The following ADCY7 variants were observed in gnomAD, a reference collection of about 807,000 sequenced individuals.
ADCY7 encodes the protein adenylate cyclase 7.
Under a neutral mutation model 120.6 loss-of-function variants are expected in ADCY7, and 72 were observed. That is an observed-to-expected ratio of 0.60 (90% confidence interval 0.49 to 0.73). The LOEUF is 0.73. Among genes scored for constraint, ADCY7 ranks in the 30% least tolerant of loss-of-function variants. The pLI is 0.00. For missense variants in ADCY7, 1,227 were observed against 1,486.0 expected, an observed-to-expected ratio of 0.83 and a Z score of 2.87; for synonymous variants, 661 against 628.0, an observed-to-expected ratio of 1.05 and a Z score of -0.78.
chr16:50,257,435 C>T (rs568231928), intron 1 of ADCY7, among the ~76,000 whole-genome samples: 42 of 152,178 alleles, frequency 2.8e-4, no homozygotes, highest in Non-Finnish European at 3.1e-4. Flanking sequence ...ATGTACATTT[C>T]AAAATTACTA....
intron 1 of ADCY7, among the ~76,000 whole-genome samples, chr16:50,252,860 G>GA (rs1022944209): frequency 6.6e-6 from 1 of 152,126 alleles, no homozygotes; most frequent in Non-Finnish European, 1.5e-5. Context: ...ATAAGGTGGG[G>GA]AAAAAACTTC....
Position 50,297,346 on chromosome 16 carries a change from C to T in ADCY7, c.949-1558C>T, listed in dbSNP as rs917745743. On this transcript the variant is annotated intron_variant, in intron 7 of 25. Transcript: ENST00000673801. This position sits in a 1 kb window ranked among gnomAD's most constrained non-coding sequence, Gnocchi z 4.4. ...GTCAGAGACACAGGGGACTGTCAGC[C>T]GGTGGAGCAGCCGGGGGAATGTGGC... Among the ~76,000 whole-genome samples, 3 of 152,356 alleles carry T rather than the reference C, an allele frequency of 2.0e-5. No homozygotes were observed. The highest frequency in any genetic ancestry group is 6.5e-5 in the Admixed American group (1 of 15,288).
chr16:50,262,798 TGCCCTGGC>T (rs2033094670), upstream of ADCY7, among the ~76,000 whole-genome samples: 1 of 152,226 alleles, frequency 6.6e-6, no homozygotes, highest in Non-Finnish European at 1.5e-5. Context: ...TTGTGCTGTG[TGCCCTGGC>T]GCCTCTACCA....
Position 50,307,159 on chromosome 16 carries a change from G to T in ADCY7, c.1850+12G>T. 6.2e-7 allele frequency: 1 copy of T among 1,609,452 alleles called. No individual in the cohort carries two copies. The highest frequency in any genetic ancestry group is 1.1e-5 in the South Asian group (1 of 90,972). On this transcript the variant is annotated intron_variant, in intron 15 of 25. Transcript: ENST00000673801. ...CTGCTCATGCCCAGGTCAGTTGCAG[G>T]GAGGGGTGTGGGGGTCCGGCCTGCT...
intron 1 of ADCY7, among the ~76,000 whole-genome samples, chr16:50,260,470 C>G (rs756903828): frequency 2.6e-5 from 4 of 152,228 alleles, no homozygotes; most frequent in Non-Finnish European, 5.9e-5. Context: ...CTCTGCTTCT[C>G]TCTCCATTTC....
intron 21 of ADCY7, 31 bp from the exon 22 acceptor site, chr16:50,312,859 G>A: frequency 1.9e-6 from 3 of 1,609,686 alleles, no homozygotes; most frequent in Non-Finnish European, 1.7e-6. Flanking sequence ...AAGAGGTGAA[G>A]TGGTGTAAGG....
upstream of ADCY7, among the ~76,000 whole-genome samples, chr16:50,266,022 T>C (rs1331175544): frequency 6.6e-6 from 1 of 152,198 alleles, no homozygotes; most frequent in Non-Finnish European, 1.5e-5. Flanking sequence ...AGGATGGGCC[T>C]GCCCCTGCCC....
At position 50,293,343 on chromosome 16, in the gene ADCY7, C is replaced by T; in HGVS notation, c.688-11C>T. 3 of 1,611,684 alleles carry T rather than the reference C, an allele frequency of 1.9e-6. No homozygotes were observed. Among genetic ancestry groups the T allele is most frequent in the Non-Finnish European group, 1.7e-6 (2 of 1,178,500 alleles). ...GCTGGTCCCTCTGCTGGTCTGCCCA[C>T]CCACACCCAGGAGAACCTGCTGCTG... On this transcript the variant is annotated splice_polypyrimidine_tract_variant and intron_variant, in intron 5 of 25. Transcript: ENST00000673801.
rs376775069 is a variant in ADCY7, at chr16:50,311,810, C to T, written c.2448+24C>T. ...AGGTAAGGAGGCTGGCCCCCCCCCC[C>T]CCCCCAAGCTCTGCCCACTTTTCCT... On this transcript the variant is annotated intron_variant, in intron 20 of 25. Transcript: ENST00000673801. 7.0e-5 allele frequency: 94 copies of T among 1,342,994 alleles called. 3 individuals carry two copies. The Middle Eastern group carries it at 1.4e-3, about 20-fold the overall frequency. 83.2% of individuals were successfully genotyped at this position (1,342,994 alleles called of 1,614,324 possible).
intron 1 of ADCY7, among the ~76,000 whole-genome samples, chr16:50,277,646 T>C (rs962455621): frequency 1.3e-5 from 2 of 150,332 alleles, no homozygotes; most frequent in African/African-American, 4.9e-5. Flanking sequence ...GTGCATCCCA[T>C]TGTGCCTGGC....
At chr16:50,258,312 C>G (rs946553599) in intron 1 of ADCY7, among the ~76,000 whole-genome samples, 2 of 152,146 alleles carry the variant, frequency 1.3e-5, no homozygotes, top group African/African-American at 4.8e-5. Context: ...AGTTTTTCAT[C>G]TGTAGGACTG....
At chr16:50,257,253 C>T (rs754354848) in intron 1 of ADCY7, among the ~76,000 whole-genome samples, 4 of 151,856 alleles carry the variant, frequency 2.6e-5, no homozygotes, top group African/African-American at 9.7e-5. Context: ...ACAAAAAAAT[C>T]CAATTGAACT....
chr16:50,252,721 TG>T (rs2032795493), intron 1 of ADCY7, among the ~76,000 whole-genome samples: 1 of 152,222 alleles, frequency 6.6e-6, no homozygotes, highest in African/African-American at 2.4e-5. Flanking sequence ...TTCTGCCTCC[TG>T]GGCTAAGGCT....
intron 7 of ADCY7, 148 bp from the exon 8 acceptor site, chr16:50,298,756 A>G: frequency 8.7e-7 from 1 of 1,151,366 alleles, no homozygotes; most frequent in Non-Finnish European, 1.2e-6. Context: ...TGCCAGGCCC[A>G]GAAGTGGCTC....
chr16:50,290,989 C>G (rs901211472), intron 3 of ADCY7, among the ~76,000 whole-genome samples: 1 of 152,210 alleles, frequency 6.6e-6, no homozygotes, highest in Non-Finnish European at 1.5e-5. Context: ...GTAACTGGAA[C>G]TGGGGCCTCT....
At position 50,305,538 on chromosome 16, in the gene ADCY7, C is replaced by T. The variant is rs567441785; in HGVS notation, c.1631C>T (p.Ser544Leu). The change falls in exon 13 of 26, where the codon TCG becomes TTG. Residue 544 changes from serine to leucine, a missense_variant. Coordinates refer to ENST00000673801, the MANE Select transcript of ADCY7 (RefSeq NM_001114.5). ...CCCAAGGGGCGGTCGGAGGATGACT[C>T]GTACGATGACGAGATGCTGTCAGCC... is the stretch of plus-strand genomic sequence containing the variant. ...MSPKGRSEDD[S>L]YDDEMLSAIE... is the part of the protein sequence containing the mutation. 141 of 1,609,368 alleles carry T rather than the reference C, an allele frequency of 8.8e-5. 3 individuals are homozygous for T. In the Admixed American group the frequency reaches 1.1e-3, roughly 12 times the overall value.
intron 22 of ADCY7, 178 bp downstream of exon 22, chr16:50,313,214 C>G: frequency 1.4e-6 from 1 of 711,572 alleles, no homozygotes; most frequent in South Asian, 2.0e-5. Context: ...GCTAGGAGTT[C>G]GAGACCAGCC....
chr16:50,295,167 A>G (rs1397982289), intron 7 of ADCY7, among the ~76,000 whole-genome samples: 2 of 151,846 alleles, frequency 1.3e-5, no homozygotes, highest in African/African-American at 2.4e-5. Flanking sequence ...GTGCACATTA[A>G]ACTTTTACGT....
At chr16:50,252,372 C>A (rs1048715604) in intron 1 of ADCY7, among the ~76,000 whole-genome samples, 2 of 152,266 alleles carry the variant, frequency 1.3e-5, no homozygotes, top group African/African-American at 2.4e-5. Context: ...TCGGGGCCAG[C>A]AGGAATGGGT....
Sources: allele counts gnomAD v4.1 joint callset (sites outside exome capture counted in the v4.1 genomes callset), GRCh38; gene constraint gnomAD v4.1.1; non-coding constraint Gnocchi (gnomAD v3.1); transcripts MANE v1.5; gene names NCBI Gene and HGNC (gene_info 2026-07-23, HGNC 2026-07-21).